Variants in ZCCHC7 observed in about 807,000 individuals in gnomAD.
ZCCHC7 encodes the protein zinc finger CCHC domain-containing protein 7.
A neutral mutation model predicts 52.0 loss-of-function variants in ZCCHC7; 35 were observed. That is an observed-to-expected ratio of 0.67 (90% CI 0.51 to 0.89). ZCCHC7 has a LOEUF of 0.89. Among genes scored for constraint, ZCCHC7 ranks in the 40% least tolerant of loss-of-function variants. The probability of loss-of-function intolerance (pLI) is 0.00; values close to 1 mark genes in which losing one functional copy is unlikely to be tolerated. For missense variants in ZCCHC7, 574 were observed against 649.1 expected (o/e 0.88, Z 1.26); for synonymous variants, 217 against 221.5 (o/e 0.98, Z 0.18).
intron 2 of ZCCHC7, among the ~76,000 whole-genome samples, chr9:37,182,426 G>A (rs1229667787): frequency 6.6e-6 from 1 of 151,316 alleles, no homozygotes; most frequent in Non-Finnish European, 1.5e-5. Flanking sequence ...TGTCACCTAG[G>A]CGATCTTGGC....
At chr9:37,355,183 G>T (rs1821620344) in intron 8 of ZCCHC7, among the ~76,000 whole-genome samples, 1 of 152,066 alleles carries the variant, frequency 6.6e-6, no homozygotes, top group Non-Finnish European at 1.5e-5. Flanking sequence ...TTTATGGAAA[G>T]AAAGGCTTTC....
chr9:37,212,026 C>CAAAAAAAAAAAAAAAAA (rs574190937), intron 2 of ZCCHC7, among the ~76,000 whole-genome samples: 10 of 55,428 alleles, frequency 1.8e-4, no homozygotes, highest in Admixed American at 3.0e-4. Flanking sequence ...GACTCCGTCT[C>CAAAAAAAAAAAAAAAAA]AAAAAAAAAA....
At chr9:37,169,352 T>C (rs148018401) in intron 2 of ZCCHC7, among the ~76,000 whole-genome samples, 3 of 152,226 alleles carry the variant, frequency 2.0e-5, no homozygotes, top group South Asian at 2.1e-4. Context: ...TCCACAAATA[T>C]GTTGTTAATA....
chr9:37,144,105 A>T (rs532892314), intron 2 of ZCCHC7, among the ~76,000 whole-genome samples: 48 of 152,014 alleles, frequency 3.2e-4, no homozygotes, highest in African/African-American at 1.0e-3. Context: ...AGGGAAATAC[A>T]TAAAATATGC....
At chr9:37,211,561 A>C (rs537122577) in intron 2 of ZCCHC7, among the ~76,000 whole-genome samples, 4 of 151,886 alleles carry the variant, frequency 2.6e-5, no homozygotes, top group Non-Finnish European at 5.9e-5. Context: ...GATAGTTCTC[A>C]TTTCTGGATA....
chr9:37,207,127 A>T (rs763446515), intron 2 of ZCCHC7, among the ~76,000 whole-genome samples: 1 of 152,184 alleles, frequency 6.6e-6, no homozygotes, highest in African/African-American at 2.4e-5. Context: ...CTCTGTCTCT[A>T]AATGAATGAA....
rs952312564 is a variant in ZCCHC7 at position 37,357,676 on chromosome 9, T to C, written c.*408T>C. Reference sequence around the variant, plus strand: ...AAAGTCATCAATATTTTTCAACTTTTTTTTTTTTTTTTTTTACTTTGGAAA... The same window carrying C: ...AAAGTCATCAATATTTTTCAACTTTCTTTTTTTTTTTTTTTACTTTGGAAA... On this transcript the variant is annotated 3_prime_UTR_variant, in exon 9 of 9. Coordinates refer to ENST00000336755, the MANE Select transcript of ZCCHC7 (RefSeq NM_032226.3). The C allele has an allele frequency of 7.3e-6, 1 of 137,576 alleles. No homozygotes were observed. Among genetic ancestry groups the C allele is most frequent in the African/African-American group, 3.6e-5 (1 of 28,146 alleles). 8.5% of individuals were successfully genotyped at this position (137,576 alleles called of 1,614,324 possible). A position where few individuals can be genotyped will look rare whatever the true frequency, so the allele number is the denominator to read the frequency against.
At chr9:37,169,820 C>T (rs1351913154) in intron 2 of ZCCHC7, among the ~76,000 whole-genome samples, 1 of 152,096 alleles carries the variant, frequency 6.6e-6, no homozygotes, top group African/African-American at 2.4e-5. Flanking sequence ...CCACCCAGCA[C>T]ATTTTGAGGC....
intron 2 of ZCCHC7, among the ~76,000 whole-genome samples, chr9:37,199,015 A>T (rs1480978045): frequency 6.6e-6 from 1 of 152,128 alleles, no homozygotes; most frequent in Non-Finnish European, 1.5e-5. Context: ...CCTTCTACCC[A>T]CTGAGCTCCT....
intron 2 of ZCCHC7, among the ~76,000 whole-genome samples, chr9:37,271,521 A>G (rs1827411151): frequency 6.6e-6 from 1 of 152,194 alleles, no homozygotes; most frequent in Admixed American, 6.5e-5. Context: ...TGGTTTTTAA[A>G]TATATGATAT....
intron 2 of ZCCHC7, among the ~76,000 whole-genome samples, chr9:37,268,447 G>T (rs1211976315): frequency 6.7e-6 from 1 of 148,682 alleles, no homozygotes; most frequent in African/African-American, 2.5e-5. Context: ...TTTTTTTTGA[G>T]ACAGAGTCTC....
intron 2 of ZCCHC7, among the ~76,000 whole-genome samples, chr9:37,283,174 A>G (rs934518838): frequency 2.0e-5 from 3 of 152,148 alleles, no homozygotes; most frequent in African/African-American, 4.8e-5. Context: ...TATGTATGAA[A>G]AATATTGACA....
intron 2 of ZCCHC7, among the ~76,000 whole-genome samples, chr9:37,292,960 G>A (rs1450912718): frequency 1.3e-5 from 2 of 152,102 alleles, no homozygotes; most frequent in African/African-American, 4.8e-5. Flanking sequence ...CATTTTAAAG[G>A]AATATAATGT....
intron 3 of ZCCHC7, among the ~76,000 whole-genome samples, chr9:37,303,921 C>T (rs942549801): frequency 6.6e-6 from 1 of 152,046 alleles, no homozygotes. Flanking sequence ...CCTCGGCCTC[C>T]GAAAGTGCTG....
intron 2 of ZCCHC7, among the ~76,000 whole-genome samples, chr9:37,240,529 G>C (rs1825830184): frequency 1.3e-5 from 2 of 151,784 alleles, no homozygotes; most frequent in African/African-American, 4.8e-5. Flanking sequence ...TTATGTAAAG[G>C]CCAGAGAAAA....
chr9:37,145,513 CAT>C (rs1352732217), intron 2 of ZCCHC7, among the ~76,000 whole-genome samples: 1 of 151,718 alleles, frequency 6.6e-6, no homozygotes, highest in African/African-American at 2.4e-5. Context: ...AGGATAGAAA[CAT>C]AGATTGAGCT....
intron 2 of ZCCHC7, among the ~76,000 whole-genome samples, chr9:37,242,005 GATGCTGATAT>G (rs1362484454): frequency 1.5e-4 from 23 of 151,698 alleles, no homozygotes; most frequent in African/African-American, 5.3e-4. Context: ...TTATCTTAGT[GATGCTGATAT>G]TTTCTCAGAT....
chr9:37,157,033 T>C (rs1193244949), intron 2 of ZCCHC7, among the ~76,000 whole-genome samples: 1 of 151,830 alleles, frequency 6.6e-6, no homozygotes, highest in African/African-American at 2.4e-5. Flanking sequence ...TTTTCTGTTA[T>C]CATTGTTTTA....
At chr9:37,235,630 C>T (rs1472903550) in intron 2 of ZCCHC7, among the ~76,000 whole-genome samples, 2 of 147,204 alleles carry the variant, frequency 1.4e-5, no homozygotes, top group Admixed American at 6.9e-5. Context: ...CTCACTCTGT[C>T]GCCAGGCTGG....
Sources: gnomAD v4.1 joint callset for allele counts (sites outside exome capture counted in the v4.1 genomes callset) on GRCh38, gnomAD v4.1.1 for gene constraint, MANE v1.5 for transcripts, NCBI Gene and HGNC (gene_info 2026-07-23, HGNC 2026-07-21) for gene names.